The following KIF16B variants were observed in gnomAD, a reference collection of about 807,000 sequenced individuals.
The protein encoded by KIF16B is kinesin family member 16B.
Under a neutral mutation model 156.3 loss-of-function variants are expected in KIF16B, and 98 were observed. The ratio of observed to expected loss-of-function variants is 0.63; its 90% CI spans 0.53 to 0.74. KIF16B has a LOEUF of 0.74. Among genes scored for constraint, KIF16B ranks in the 30% least tolerant of loss-of-function variants. KIF16B has a pLI of 0.00. For synonymous variants in KIF16B, 564 were observed against 583.7 expected, an observed-to-expected ratio of 0.97 and a Z score of 0.49; for missense variants, 1,421 against 1,606.5, an observed-to-expected ratio of 0.88 and a Z score of 1.97.
At chr20:16,419,243 G>A (rs1786726884) in intron 15 of KIF16B, among the ~76,000 whole-genome samples, 1 of 152,120 alleles carries the variant, frequency 6.6e-6, no homozygotes, top group Non-Finnish European at 1.5e-5. Context: ...TGTCATATTT[G>A]CAGGTCTCTA....
intron 15 of KIF16B, among the ~76,000 whole-genome samples, chr20:16,406,985 C>G (rs1165821713): frequency 1.3e-5 from 2 of 152,154 alleles, no homozygotes; most frequent in African/African-American, 4.8e-5. Context: ...CATTTATGGT[C>G]TATTTCCAAA....
chr20:16,285,682 G>A (rs1243781378), intron 25 of KIF16B, among the ~76,000 whole-genome samples: 3 of 152,022 alleles, frequency 2.0e-5, no homozygotes, highest in Non-Finnish European at 4.4e-5. Flanking sequence ...AACCAGATGT[G>A]GTGGTGCACC....
At position 16,541,955 on chromosome 20, in the gene KIF16B, T is replaced by C. The variant is rs1207110830; in HGVS notation, c.48-13515A>G. ...TGGCAGCTGAAGGCTGGGCCAACCA[T>C]GCTGCAGCAACAAGCCCTCAAAGAC... On this transcript the variant is annotated intron_variant, in intron 1 of 25. Coordinates refer to ENST00000354981, the MANE Select transcript of KIF16B (RefSeq NM_024704.5). Among the ~76,000 whole-genome samples, 4 of 152,182 alleles carry C rather than the reference T, an allele frequency of 2.6e-5. No individual in the cohort carries two copies. In the East Asian group the frequency reaches 5.8e-4, roughly 22 times the overall value.
intron 17 of KIF16B, among the ~76,000 whole-genome samples, chr20:16,393,429 C>T (rs1156542992): frequency 6.6e-6 from 1 of 152,074 alleles, no homozygotes; most frequent in African/African-American, 2.4e-5. Context: ...GACAATTAAC[C>T]TTAGGTCATG....
At chr20:16,278,586 C>G (rs1408179873) in intron 25 of KIF16B, among the ~76,000 whole-genome samples, 1 of 152,172 alleles carries the variant, frequency 6.6e-6, no homozygotes, top group East Asian at 1.9e-4. Flanking sequence ...GCAGGGGTTA[C>G]AGGTAACTGG....
intron 3 of KIF16B, among the ~76,000 whole-genome samples, chr20:16,520,182 G>A (rs1161614925): frequency 1.3e-5 from 2 of 150,508 alleles, no homozygotes; most frequent in African/African-American, 4.9e-5. Flanking sequence ...AGACAGAACC[G>A]TTCATTCCCC....
At chr20:16,535,572 C>A (rs774113466) in intron 1 of KIF16B, among the ~76,000 whole-genome samples, 1 of 152,024 alleles carries the variant, frequency 6.6e-6, no homozygotes, top group Non-Finnish European at 1.5e-5. Flanking sequence ...TCTTCCAGTT[C>A]TAAGAGAAAA....
At chr20:16,427,803 C>T (rs1338420370) in intron 14 of KIF16B, among the ~76,000 whole-genome samples, 2 of 152,176 alleles carry the variant, frequency 1.3e-5, no homozygotes, top group East Asian at 3.9e-4. Flanking sequence ...ATTCTGAGAC[C>T]TCTCAGGGCA....
At position 16,381,399 on chromosome 20, in the gene KIF16B, G is replaced by T. The variant is rs556430311; in HGVS notation, c.1838+295C>A. ...GATCTACTTTTGATTAAATTTAAAT[G>T]AATACATTTTGGTGTATTAAATTTA... is the stretch of plus-strand genomic sequence containing the variant. On this transcript the variant is annotated intron_variant, in intron 18 of 25. Transcript: ENST00000354981. Among the ~76,000 whole-genome samples, 118 of 87,128 alleles carry T rather than the reference G, an allele frequency of 1.4e-3. No homozygotes were observed. In the Middle Eastern group the frequency reaches 0.02, roughly 14 times the overall value. 57.2% of individuals were successfully genotyped at this position (87,128 alleles called of 152,430 possible).
chr20:16,499,858 T>C (rs1242475431), intron 10 of KIF16B, among the ~76,000 whole-genome samples: 2 of 152,186 alleles, frequency 1.3e-5, no homozygotes, highest in Admixed American at 1.3e-4. Flanking sequence ...TTGGTAAAAG[T>C]ACCATTTTCA....
intron 12 of KIF16B, among the ~76,000 whole-genome samples, chr20:16,454,423 T>C (rs2067162096): frequency 6.6e-6 from 1 of 150,628 alleles, no homozygotes; most frequent in African/African-American, 2.4e-5. Flanking sequence ...TTAAGGTGCG[T>C]ATATAATATA....
intron 17 of KIF16B, chr20:16,381,999 G>C: frequency 1.1e-6 from 1 of 939,104 alleles, no homozygotes; most frequent in African/African-American, 1.7e-5. Flanking sequence ...AACAAAAACT[G>C]TATTGAAAAA....
At chr20:16,570,808 G>A (rs1161777375) in intron 1 of KIF16B, among the ~76,000 whole-genome samples, 2 of 152,002 alleles carry the variant, frequency 1.3e-5, no homozygotes, top group Non-Finnish European at 2.9e-5. Flanking sequence ...TCTCCTTTAC[G>A]GACTGCAAGC....
At chr20:16,472,711 C>T (rs919576166) in intron 12 of KIF16B, among the ~76,000 whole-genome samples, 1 of 152,104 alleles carries the variant, frequency 6.6e-6, no homozygotes, top group Non-Finnish European at 1.5e-5. Flanking sequence ...CACGCGCTCT[C>T]ACTACACTGT....
rs764340012 is a variant in KIF16B, at chr20:16,506,029, A to G, written c.861T>C (p.Ser287=). ...KSLVTLGNVI[S]ALADLSQDAA... is the part of the protein sequence containing the mutation. The stretch of plus-strand genomic sequence containing the variant: ...AGCCAGGCGTAAGCATACCTAAGGC[A>G]GAAATGACGTTCCCCAGAGTCACGA... Residue 287 remains serine (S), a synonymous_variant, in exon 8 of 26, where the codon TCT becomes TCC. Transcript: ENST00000354981. 3 of 1,614,204 alleles carry G rather than the reference A, an allele frequency of 1.9e-6. No individual in the cohort carries two copies. Among genetic ancestry groups the G allele is most frequent in the Non-Finnish European group, 2.5e-6 (3 of 1,180,012 alleles).
chr20:16,293,927 G>A (rs187613090), intron 25 of KIF16B, among the ~76,000 whole-genome samples: 3 of 152,034 alleles, frequency 2.0e-5, no homozygotes, highest in East Asian at 3.9e-4. Context: ...GGGCTGCGGG[G>A]GGTGCATGCT....
chr20:16,413,153 T>C (rs2066000993), intron 15 of KIF16B, among the ~76,000 whole-genome samples: 1 of 152,104 alleles, frequency 6.6e-6, no homozygotes, highest in Non-Finnish European at 1.5e-5. Flanking sequence ...TGCACTTAAT[T>C]TGTAATTTTG....
chr20:16,280,841 C>CGCGCGCGTGTGTGTGT lies in KIF16B; in HGVS notation c.3796-7431_3796-7430insACACACACACGCGCGC, dbSNP rs112026824. 2.8e-3 allele frequency among the ~76,000 whole-genome samples: 205 copies of CGCGCGCGTGTGTGTGT among 74,460 alleles called. 1 individual carries two copies. The highest frequency in any genetic ancestry group is 8.1e-3 in the African/African-American group (164 of 20,134). The allele number at this position is 74,460 out of a possible 152,430, so 48.8% of individuals were successfully genotyped here. On this transcript the variant is annotated intron_variant, in intron 25 of 25. Coordinates refer to ENST00000354981, the MANE Select transcript of KIF16B (RefSeq NM_024704.5). Reference sequence around the variant, plus strand: ...ATTTCAGTCAACTGCTGCGCGCGCACGTGTGTGTGTGTGTGTGTGTGTGTG... The same window carrying CGCGCGCGTGTGTGTGT: ...ATTTCAGTCAACTGCTGCGCGCGCACGCGCGCGTGTGTGTGTGTGTGTGTGTGTGTGTGTGTGTGTG...
intron 25 of KIF16B, among the ~76,000 whole-genome samples, chr20:16,280,407 G>A (rs1321737720): frequency 6.6e-6 from 1 of 152,216 alleles, no homozygotes; most frequent in Non-Finnish European, 1.5e-5. Context: ...CTAACAGTCT[G>A]AGCAAGAGAG....
Sources: gnomAD v4.1 joint callset for allele counts (sites outside exome capture counted in the v4.1 genomes callset) on GRCh38, gnomAD v4.1.1 for gene constraint, MANE v1.5 for transcripts, NCBI Gene and HGNC (gene_info 2026-07-23, HGNC 2026-07-21) for gene names.